CUX2: variants seen among roughly 807,000 people sequenced by gnomAD.
CUX2 encodes the protein cut like homeobox 2, also known as homeobox protein cut-like 2.
A neutral mutation model predicts 144.8 loss-of-function variants in CUX2; 40 were observed. That is an observed-to-expected ratio of 0.28 (90% confidence interval 0.21 to 0.36). The LOEUF (loss-of-function observed/expected upper bound fraction) is 0.36. Among genes scored for constraint, CUX2 ranks in the 10% least tolerant of loss-of-function variants. The pLI is 1.00. For synonymous variants in CUX2, 827 were observed against 875.6 expected (o/e 0.94, Z 0.98); for missense variants, 1,615 against 1,994.0 (o/e 0.81, Z 3.62).
chr12:111,043,332 T>C (rs1428729511), intron 1 of CUX2, among the ~76,000 whole-genome samples: 2 of 151,802 alleles, frequency 1.3e-5, no homozygotes, highest in Non-Finnish European at 2.9e-5. Context: ...AGGACAAGGT[T>C]AGGGAAAAGC....
chr12:111,054,627 C>G (rs57400829), intron 1 of CUX2, among the ~76,000 whole-genome samples: 6,032 of 152,134 alleles, frequency 0.04, 417 homozygotes, highest in African/African-American at 0.14. Context: ...CAATTCTATG[C>G]TGTAGACATT....
chr12:111,290,624 C>T (rs1257948107), intron 4 of CUX2, among the ~76,000 whole-genome samples: 1 of 152,064 alleles, frequency 6.6e-6, no homozygotes, highest in Non-Finnish European at 1.5e-5. Context: ...AACGGGGTTT[C>T]ACCATATTGG....
intron 3 of CUX2, among the ~76,000 whole-genome samples, chr12:111,236,652 T>G (rs1310142519): frequency 6.6e-6 from 1 of 152,116 alleles, no homozygotes; most frequent in Non-Finnish European, 1.5e-5. Context: ...TTGGCACTGG[T>G]TCAAGAGAAA....
intron 1 of CUX2, among the ~76,000 whole-genome samples, chr12:111,065,487 C>T (rs573279048): frequency 8.5e-5 from 13 of 152,308 alleles, no homozygotes; most frequent in African/African-American, 2.9e-4. Context: ...AGGTGCACAT[C>T]ACCATGCCTG....
chr12:111,277,270 G>A lies in CUX2; in HGVS notation c.301+13431G>A, dbSNP rs149315363. Among the ~76,000 whole-genome samples the A allele has an allele frequency of 4.7e-3, 711 of 152,230 alleles. 5 individuals are homozygous for A. Among genetic ancestry groups the A allele is most frequent in the African/African-American group, 0.017 (686 of 41,534 alleles). ...AGGGGAAAGGAGATTGGCACTGGGC[G>A]TCCCCTGGGCCAGCCCCACATCCCC... On this transcript the variant is annotated intron_variant, in intron 4 of 21. Transcript: ENST00000261726. This position sits in a 1 kb window ranked among gnomAD's most constrained non-coding sequence, Gnocchi z 5.0.
chr12:111,220,849 T>C (rs1011676443), intron 3 of CUX2, among the ~76,000 whole-genome samples: 2 of 136,198 alleles, frequency 1.5e-5, no homozygotes, highest in Non-Finnish European at 3.0e-5. Flanking sequence ...GGTGGGAGGA[T>C]CACTTGAGCC....
Position 111,304,054 on chromosome 12 carries a change from G to T in CUX2, c.754-156G>T. The T allele has an allele frequency of 1.7e-6, 1 of 597,066 alleles. No homozygotes were observed. The highest frequency in any genetic ancestry group is 2.8e-5 in the Admixed American group (1 of 35,794). 37.0% of individuals were successfully genotyped at this position (597,066 alleles called of 1,614,324 possible). A position where few individuals can be genotyped will look rare whatever the true frequency, so the allele number is the denominator to read the frequency against. On this transcript the variant is annotated intron_variant, in intron 9 of 21. Transcript: ENST00000261726. The surrounding 1 kb of genome is among the most constrained non-coding windows in gnomAD (Gnocchi z 4.7). ...CCAGCCCAGACAGGGCTCTGTGACTGGTCTTCATAGCTCCAGGACAGGGTC... is the reference window on the plus strand; with the variant it reads ...CCAGCCCAGACAGGGCTCTGTGACTTGTCTTCATAGCTCCAGGACAGGGTC...
intron 1 of CUX2, among the ~76,000 whole-genome samples, chr12:111,124,750 G>A (rs565070136): frequency 3.3e-4 from 50 of 152,292 alleles, no homozygotes; most frequent in African/African-American, 9.9e-4. Context: ...CAGGTAATGA[G>A]TGTAGTACCC....
intron 18 of CUX2, among the ~76,000 whole-genome samples, chr12:111,332,313 T>TTTTTTTTTTTTTTTTTTTG (rs1888155202): frequency 1.3e-5 from 2 of 151,266 alleles, no homozygotes; most frequent in African/African-American, 4.9e-5. Context: ...TTGTATTTTT[T>TTTTTTTTTTTTTTTTTTTG]AGTAGAGACG....
intron 1 of CUX2, among the ~76,000 whole-genome samples, chr12:111,202,921 C>T (rs570021678): frequency 1.4e-4 from 22 of 151,950 alleles, no homozygotes; most frequent in Non-Finnish European, 2.8e-4. Context: ...GAGACAGAAA[C>T]GTGCTTAGTG....
chr12:111,336,019 C>A (rs1888334293), intron 19 of CUX2, among the ~76,000 whole-genome samples: 1 of 152,204 alleles, frequency 6.6e-6, no homozygotes. Flanking sequence ...TGGCTCTGAC[C>A]TGGGTCTGGG....
rs1457554804 is a variant in CUX2 at position 111,295,317 on chromosome 12, C to A, written c.561-16C>A. ...TGTCCCTGCAGCCAGCACAAGCAGG[C>A]CTCGTCTCTCCGCAGGGGCCTTCAA... On this transcript the variant is annotated splice_polypyrimidine_tract_variant and intron_variant, in intron 6 of 21. Transcript: ENST00000261726. The surrounding 1 kb of genome is among the most constrained non-coding windows in gnomAD (Gnocchi z 5.0). The A allele has an allele frequency of 2.5e-6, 4 of 1,610,422 alleles. No homozygotes were observed. In the African/African-American group the frequency reaches 5.3e-5, roughly 22 times the overall value.
Position 111,309,871 on chromosome 12 carries a change from C to T in CUX2, c.1259-170C>T, listed in dbSNP as rs148311741. ...TTTCTCTCACATGTGGTCTCTGTCTCGCTCTCCCTCTCTCTCTCTGTCTCT... is the reference window on the plus strand; with the variant it reads ...TTTCTCTCACATGTGGTCTCTGTCTTGCTCTCCCTCTCTCTCTCTGTCTCT... On this transcript the variant is annotated intron_variant, in intron 14 of 21. Transcript: ENST00000261726. 5.8e-4 allele frequency among the ~76,000 whole-genome samples: 87 copies of T among 151,236 alleles called. 1 individual carries two copies. The East Asian group carries it at 0.016, about 28-fold the overall frequency.
intron 1 of CUX2, among the ~76,000 whole-genome samples, chr12:111,040,811 A>G (rs947260664): frequency 6.6e-6 from 1 of 152,194 alleles, no homozygotes; most frequent in Admixed American, 6.5e-5. Context: ...CATTAGCATG[A>G]AACAGCCACA....
chr12:111,203,937 C>T (rs951366253), intron 1 of CUX2, among the ~76,000 whole-genome samples: 8 of 152,202 alleles, frequency 5.3e-5, no homozygotes, highest in Admixed American at 3.9e-4. Context: ...CTAAGGCAGG[C>T]GGAGCAGCTG....
chr12:111,257,091 C>T (rs1161190684), intron 3 of CUX2, among the ~76,000 whole-genome samples: 3 of 152,094 alleles, frequency 2.0e-5, no homozygotes, highest in African/African-American at 4.8e-5. Flanking sequence ...TGTCACCCCT[C>T]GTATCACAGT....
intron 8 of CUX2, 106 bp from the exon 9 acceptor site, chr12:111,298,435 C>A: frequency 1.7e-6 from 2 of 1,163,308 alleles, no homozygotes; most frequent in Non-Finnish European, 2.4e-6. Context: ...TGTAGCAAGG[C>A]CTTCAGCCCT....
intron 1 of CUX2, among the ~76,000 whole-genome samples, chr12:111,079,158 G>A (rs904831004): frequency 6.6e-6 from 1 of 152,186 alleles, no homozygotes. Context: ...CAGACAAATT[G>A]TCATTCACAC....
At chr12:111,219,226 A>T (rs920610098) in intron 3 of CUX2, among the ~76,000 whole-genome samples, 1 of 151,992 alleles carries the variant, frequency 6.6e-6, no homozygotes, top group African/African-American at 2.4e-5. Context: ...TCATCCTTTC[A>T]TTTTATTACC....
Sources: gnomAD v4.1 joint callset for allele counts (sites outside exome capture counted in the v4.1 genomes callset) on GRCh38, gnomAD v4.1.1 for gene constraint, Gnocchi (gnomAD v3.1) non-coding constraint, MANE v1.5 for transcripts, NCBI Gene and HGNC (gene_info 2026-07-23, HGNC 2026-07-21) for gene names.